Variants in MSI1 observed in about 807,000 individuals in gnomAD.
MSI1 encodes the protein RNA-binding protein Musashi homolog 1.
Under a neutral mutation model 54.4 loss-of-function variants are expected in MSI1, and 15 were observed. The observed-to-expected ratio is 0.28, with a 90% confidence interval of 0.18 to 0.42. The LOEUF is 0.42. Among genes scored for constraint, MSI1 ranks in the 20% least tolerant of loss-of-function variants. The probability of loss-of-function intolerance (pLI) is 1.00; values close to 1 mark genes in which losing one functional copy is unlikely to be tolerated. For missense variants in MSI1, 304 were observed against 506.0 expected, an observed-to-expected ratio of 0.60 and a Z score of 3.83; for synonymous variants, 200 against 196.5, an observed-to-expected ratio of 1.02 and a Z score of -0.15.
chr12:120,364,320 G>T (rs1875882878), intron 5 of MSI1, among the ~76,000 whole-genome samples: 2 of 152,158 alleles, frequency 1.3e-5, no homozygotes, highest in Admixed American at 1.3e-4. Flanking sequence ...TCCCTAGCCT[G>T]CCTGTAGCGC....
intron 4 of MSI1, 24 bp downstream of exon 4, chr12:120,367,984 C>G: frequency 1.9e-6 from 3 of 1,595,038 alleles, no homozygotes; most frequent in Non-Finnish European, 2.6e-6. Flanking sequence ...CCAAAGGACC[C>G]CCGAAGCCCC....
At chr12:120,358,214 G>A (rs1002882313) in intron 7 of MSI1, among the ~76,000 whole-genome samples, 2 of 152,116 alleles carry the variant, frequency 1.3e-5, no homozygotes, top group African/African-American at 4.8e-5. Flanking sequence ...TTCCAAAGAG[G>A]GAAGAAGGAA....
intron 8 of MSI1, among the ~76,000 whole-genome samples, 155 bp downstream of exon 8, chr12:120,357,661 A>G (rs1011938525): frequency 6.6e-6 from 1 of 152,056 alleles, no homozygotes; most frequent in African/African-American, 2.4e-5. Context: ...ACGCACCACC[A>G]TGCCTGGCTA....
intron 11 of MSI1, among the ~76,000 whole-genome samples, chr12:120,349,522 C>T (rs761013370): frequency 2.0e-5 from 3 of 152,248 alleles, no homozygotes; most frequent in Non-Finnish European, 2.9e-5. Context: ...GCATGAGCCA[C>T]CACCCCCGGC....
rs775064481 is a variant in MSI1, at chr12:120,353,379, C to A, written c.653G>T (p.Gly218Val). 6.2e-7 allele frequency: 1 copy of A among 1,613,928 alleles called. No homozygotes were observed. Among genetic ancestry groups the A allele is most frequent in the South Asian group, 1.1e-5 (1 of 91,074 alleles). The change falls in exon 10 of 15, where the codon GGT becomes GTT. Residue 218 changes from glycine to valine, a missense_variant and splice_region_variant. By Grantham distance (109) the Gly-to-Val change is moderately radical. Transcript: ENST00000257552. Reference protein sequence around the residue: ...DAFMLGIGMLGYPGFQATTYA... With the variant: ...DAFMLGIGMLVYPGFQATTYA... ...GGTTGTGGCTTGGAAACCTGGGTAA[C>A]CTGATGGGGCAAGGGGGCAGTGTCA...
In MSI1 at chr12:120,346,328, A is replaced by G; in HGVS notation, c.860-6T>C. The G allele has an allele frequency of 6.6e-7, 1 of 1,525,300 alleles. No homozygotes were observed. Among genetic ancestry groups the G allele is most frequent in the Non-Finnish European group, 8.8e-7 (1 of 1,134,640 alleles). The allele number at this position is 1,525,300 out of a possible 1,614,324, so 94.5% of individuals were successfully genotyped here. ...CATCGTCCAGGGGTGAGAGCCTGGC[A>G]ACCCAGAAAGAAGACGGTGATAGCC... On this transcript the variant is annotated splice_polypyrimidine_tract_variant and splice_region_variant and intron_variant, in intron 12 of 14. Transcript: ENST00000257552.
downstream of MSI1, among the ~76,000 whole-genome samples, chr12:120,339,961 T>C (rs1873611820): frequency 6.6e-6 from 1 of 151,816 alleles, no homozygotes; most frequent in East Asian, 1.9e-4. Context: ...TTGTATTTTT[T>C]TGTAGAGATG....
In MSI1 at chr12:120,345,639, AG is replaced by A. The variant is rs879085153; in HGVS notation, c.1048-8del. On this transcript the variant is annotated splice_region_variant and splice_polypyrimidine_tract_variant and intron_variant, in intron 13 of 14. Transcript: ENST00000257552. ...CTGTGGCAATCAAAGGGCCCTGAAA[AG>A]GAAAGAATTTGACTCCTAGATTCCT... 6.2e-7 allele frequency: 1 copy of A among 1,613,968 alleles called. No homozygotes were observed. Among genetic ancestry groups the A allele is most frequent in the South Asian group, 1.1e-5 (1 of 91,068 alleles).
In MSI1 at chr12:120,368,300, C is replaced by T. The variant is rs1471290087; in HGVS notation, c.101-27G>A. The T allele has an allele frequency of 1.3e-6, 2 of 1,544,646 alleles. No homozygotes were observed. The highest frequency in any genetic ancestry group is 2.0e-5 in the Admixed American group (1 of 50,286). On this transcript the variant is annotated intron_variant, in intron 2 of 14. Coordinates refer to ENST00000257552, the MANE Select transcript of MSI1 (RefSeq NM_002442.4). This position sits in a 1 kb window ranked among gnomAD's most constrained non-coding sequence, Gnocchi z 6.6. ...TGTAACCACACACCCGCCTTCGGAC[C>T]AGCCCGGGCCCCGCGCCCTTCCCCC...
chr12:120,362,947 C>T, intron 6 of MSI1, 96 bp downstream of exon 6: 1 of 1,071,176 alleles, frequency 9.3e-7, no homozygotes, highest in Non-Finnish European at 1.4e-6. Flanking sequence ...TCATCTTTTG[C>T]AGGAATGGAA....
chr12:120,347,045 G>A (rs1476576609), intron 12 of MSI1, among the ~76,000 whole-genome samples: 1 of 152,146 alleles, frequency 6.6e-6, no homozygotes, highest in Non-Finnish European at 1.5e-5. Flanking sequence ...CGCCTCCCGG[G>A]TTCAAGCGAT....
At chr12:120,353,257 CA>C in intron 10 of MSI1, 41 bp downstream of exon 10, 1 of 1,594,482 alleles carries the variant, frequency 6.3e-7, no homozygotes, top group South Asian at 1.1e-5. Context: ...GCCCGGGAAC[CA>C]GGGGCATGCT....
intron 14 of MSI1, among the ~76,000 whole-genome samples, chr12:120,343,565 C>G (rs1020820924): frequency 5.9e-5 from 9 of 152,166 alleles, no homozygotes; most frequent in South Asian, 2.1e-4. Context: ...GCCTCTTTCC[C>G]CAGATTTCGA....
At chr12:120,353,519 C>T (rs1330620923) in intron 9 of MSI1, 140 bp from the exon 10 acceptor site, 4 of 759,876 alleles carry the variant, frequency 5.3e-6, no homozygotes, top group South Asian at 1.7e-5. Flanking sequence ...CTTCTTCATA[C>T]CAAGCCCTGT....
chr12:120,347,635 C>A (rs372161516), intron 11 of MSI1, 121 bp from the exon 12 acceptor site: 2 of 1,223,368 alleles, frequency 1.6e-6, no homozygotes. Context: ...TTCCATGTAG[C>A]CCCAGGGTCA....
At chr12:120,352,122 ATCC>A (rs1874667346) in intron 10 of MSI1, among the ~76,000 whole-genome samples, 1 of 151,508 alleles carries the variant, frequency 6.6e-6, no homozygotes, top group African/African-American at 2.4e-5. Flanking sequence ...GGCTCAAGCG[ATCC>A]TCCCACCTCA....
intron 6 of MSI1, among the ~76,000 whole-genome samples, chr12:120,360,142 C>T (rs1425187920): frequency 6.6e-6 from 1 of 152,094 alleles, no homozygotes; most frequent in Non-Finnish European, 1.5e-5. Context: ...CATGCCACCA[C>T]TCCTGGCTAA....
In MSI1 at chr12:120,368,766, CGGGTCCGGGGCGCCGGG is replaced by C. The variant is rs992853798; in HGVS notation, c.100+50_100+66del. 3.0e-6 allele frequency: 4 copies of C among 1,320,108 alleles called. No homozygotes were observed. In the African/African-American group the frequency reaches 6.2e-5, roughly 20 times the overall value. 81.8% of individuals were successfully genotyped at this position (1,320,108 alleles called of 1,614,324 possible). ...GGGCGCAGGGCCGGGCTGGGGTGTC[CGGGTCCGGGGCGCCGGG>C]GGGTCCGGGGTGCCCTGCCGGACCG... On this transcript the variant is annotated intron_variant, in intron 2 of 14. Transcript: ENST00000257552. The surrounding 1 kb of genome is among the most constrained non-coding windows in gnomAD (Gnocchi z 6.6).
At chr12:120,367,908 T>C (rs1876115970) in intron 4 of MSI1, 100 bp downstream of exon 4, 2 of 1,234,876 alleles carry the variant, frequency 1.6e-6, no homozygotes, top group Admixed American at 2.2e-5. Flanking sequence ...CCCTCCTTCC[T>C]CATGGACCCC....
Sources: allele counts gnomAD v4.1 joint callset (sites outside exome capture counted in the v4.1 genomes callset), GRCh38; gene constraint gnomAD v4.1.1; non-coding constraint Gnocchi (gnomAD v3.1); transcripts MANE v1.5; gene names NCBI Gene and HGNC (gene_info 2026-07-23, HGNC 2026-07-21).